ZBTB3: variants seen among roughly 807,000 people sequenced by gnomAD.
The protein encoded by ZBTB3 is zinc finger and BTB domain containing 3.
A neutral mutation model predicts 30.6 loss-of-function variants in ZBTB3; 15 were observed. The observed-to-expected ratio is 0.49, with a 90% CI of 0.33 to 0.75. The LOEUF (loss-of-function observed/expected upper bound fraction) is 0.75. Among genes scored for constraint, ZBTB3 ranks in the 30% least tolerant of loss-of-function variants. The probability of loss-of-function intolerance (pLI) is 0.02; values close to 1 mark genes in which losing one functional copy is unlikely to be tolerated. For missense variants in ZBTB3, 599 were observed against 652.1 expected, an observed-to-expected ratio of 0.92 and a Z score of 0.89; for synonymous variants, 258 against 261.7, an observed-to-expected ratio of 0.99 and a Z score of 0.14.
rs576165674 is a variant in ZBTB3 at position 62,752,315 on chromosome 11, A to G, written c.1350T>C (p.Tyr450=). 9.3e-6 allele frequency: 15 copies of G among 1,614,168 alleles called. No individual in the cohort carries two copies. The East Asian group carries it at 3.1e-4, about 34-fold the overall frequency. ...HATVHTRERP[Y]ECRYCLRSYT... ...AGCTCCGCAGGCAGTAGCGGCACTC[A>G]TAGGGTCGCTCACGTGTGTGCACCG... The change falls in exon 2 of 2, where the codon TAT becomes TAC. Residue 450 remains tyrosine (Y), a synonymous_variant. Transcript: ENST00000394807.
In ZBTB3 at chr11:62,753,446, G is replaced by A. The variant is rs779405682; in HGVS notation, c.219C>T (p.Ala73=). 15 of 1,614,202 alleles carry A rather than the reference G, an allele frequency of 9.3e-6. No individual in the cohort carries two copies. The South Asian group carries it at 1.6e-4, about 18-fold the overall frequency. ...LVCIHNEIVT[A]PAFGLLLDFM... Reference sequence around the variant, plus strand: ...AGTCCAGAAGCAGCCCAAAGGCTGGGGCTGTGACAATTTCATTGTGAATAC... The same window carrying A: ...AGTCCAGAAGCAGCCCAAAGGCTGGAGCTGTGACAATTTCATTGTGAATAC... Residue 73 remains alanine (A), a synonymous_variant, in exon 2 of 2, where the codon GCC becomes GCT. Coordinates refer to ENST00000394807, the MANE Select transcript of ZBTB3 (RefSeq NM_001370809.1).
chr11:62,753,407 G>C lies in ZBTB3; in HGVS notation c.258C>G (p.Gly86=). ...GGGTATCCCCTCTCAGGGTCAGCTG[G>C]CCAGCATACATAAAGTCCAGAAGCA... ...FGLLLDFMYA[G]QLTLRGDTPV... The change falls in exon 2 of 2, where the codon GGC becomes GGG. Residue 86 remains glycine (G), a synonymous_variant. Transcript: ENST00000394807. 3.1e-6 allele frequency: 5 copies of C among 1,614,118 alleles called. No individual in the cohort carries two copies. The highest frequency in any genetic ancestry group is 4.2e-6 in the Non-Finnish European group (5 of 1,180,028).
In ZBTB3 at chr11:62,752,574, A is replaced by G. The variant is rs1590923299; in HGVS notation, c.1091T>C (p.Phe364Ser). 1 of 1,614,136 alleles carries G rather than the reference A, an allele frequency of 6.2e-7. No homozygotes were observed. The highest frequency in any genetic ancestry group is 8.5e-7 in the Non-Finnish European group (1 of 1,180,042). The part of the protein sequence containing the change: ...GLEEVGPSDH[F>S]LPTDPHLPYH... ...GGGTAGATGAGGGTCTGTTGGCAGG[A>G]AGTGGTCACTTGGCCCCACCTCCTC... Residue 364 changes from phenylalanine (F) to serine (S), a missense_variant, in exon 2 of 2, where the codon TTC becomes TCC. Phe to Ser is a radical substitution (Grantham distance 155). Coordinates refer to ENST00000394807, the MANE Select transcript of ZBTB3 (RefSeq NM_001370809.1).
chr11:62,751,967 A>C lies in ZBTB3; in HGVS notation c.*123T>G. On this transcript the variant is annotated 3_prime_UTR_variant, in exon 2 of 2. Coordinates refer to ENST00000394807, the MANE Select transcript of ZBTB3 (RefSeq NM_001370809.1). Reference sequence around the variant, plus strand: ...TAAAAGATTAAAAAAAAAAAAGGGTAGGAACTTTCAGCCTGGGCAGAGCCT... The same window carrying C: ...TAAAAGATTAAAAAAAAAAAAGGGTCGGAACTTTCAGCCTGGGCAGAGCCT... 1.1e-5 allele frequency: 10 copies of C among 881,944 alleles called. No homozygotes were observed. The highest frequency in any genetic ancestry group is 1.7e-5 in the Non-Finnish European group (10 of 604,510). The allele number at this position is 881,944 out of a possible 1,614,324, so 54.6% of individuals were successfully genotyped here. A position where few individuals can be genotyped will look rare whatever the true frequency, so the allele number is the denominator to read the frequency against.
At chr11:62,753,818 C>T in intron 1 of ZBTB3, 103 bp from the exon 2 acceptor site, 2 of 1,522,234 alleles carry the variant, frequency 1.3e-6, no homozygotes, top group Admixed American at 2.0e-5. Flanking sequence ...AAGTTACTGC[C>T]CTTCTTTCTC....
At chr11:62,753,845 G>A (rs1290758096) in intron 1 of ZBTB3, 119 bp downstream of exon 1, 24 of 1,540,168 alleles carry the variant, frequency 1.6e-5, no homozygotes, top group Non-Finnish European at 2.1e-5. Flanking sequence ...CACACCCAAA[G>A]CTCTCCCATT....
chr11:62,752,284 G>T lies in ZBTB3; in HGVS notation c.1381C>A (p.Gln461Lys), dbSNP rs1292569492. ...ECRYCLRSYT[Q>K]SGDLYRHIRK... is the part of the protein sequence containing the mutation. Reference sequence around the variant, plus strand: ...ATGTGGCGGTAGAGGTCCCCTGACTGCGTGTAGCTCCGCAGGCAGTAGCGG... The same window carrying T: ...ATGTGGCGGTAGAGGTCCCCTGACTTCGTGTAGCTCCGCAGGCAGTAGCGG... Residue 461 changes from glutamine to lysine, a missense_variant, in exon 2 of 2, where the codon CAG becomes AAG. Coordinates refer to ENST00000394807, the MANE Select transcript of ZBTB3 (RefSeq NM_001370809.1). The T allele has an allele frequency of 6.2e-7, 1 of 1,614,050 alleles. No homozygotes were observed. The highest frequency in any genetic ancestry group is 1.3e-5 in the African/African-American group (1 of 74,924).
Position 62,752,663 on chromosome 11 carries a change from T to C in ZBTB3, c.1002A>G (p.Gly334=). The change falls in exon 2 of 2, where the codon GGA becomes GGG. Residue 334 remains glycine, a synonymous_variant. Coordinates refer to ENST00000394807, the MANE Select transcript of ZBTB3 (RefSeq NM_001370809.1). The part of the protein sequence containing the change: ...QGPERAFPSG[G]AVYGAQPSQP... Reference sequence around the variant, plus strand: ...GGGAGGGCTGTGCCCCATACACTGCTCCTCCAGATGGGAAAGCTCTCTCAG... The same window carrying C: ...GGGAGGGCTGTGCCCCATACACTGCCCCTCCAGATGGGAAAGCTCTCTCAG... The C allele has an allele frequency of 6.2e-7, 1 of 1,614,176 alleles. No homozygotes were observed. The highest frequency in any genetic ancestry group is 2.2e-5 in the East Asian group (1 of 44,884).
rs773099219 is a variant in ZBTB3, at chr11:62,752,218, G to A, written c.1447C>T (p.Pro483Ser). 6.2e-7 allele frequency: 1 copy of A among 1,614,210 alleles called. No homozygotes were observed. Among genetic ancestry groups the A allele is most frequent in the African/African-American group, 1.3e-5 (1 of 75,058 alleles). The change falls in exon 2 of 2, where the codon CCA becomes TCA. Residue 483 changes from proline to serine, a missense_variant. Coordinates refer to ENST00000394807, the MANE Select transcript of ZBTB3 (RefSeq NM_001370809.1). ...AGAAGGGGTCCCACTTCTGGATCTGGTTTGCTGCGTTTGGCCAGGTCCTCA... is the reference window on the plus strand; with the variant it reads ...AGAAGGGGTCCCACTTCTGGATCTGATTTGCTGCGTTTGGCCAGGTCCTCA... ...HNEDLAKRSKPDPEVGPLLGV... is the reference protein window; with the variant it reads ...HNEDLAKRSKSDPEVGPLLGV...
At position 62,751,525 on chromosome 11, in the gene ZBTB3, C is replaced by CAA. The variant is rs36089406; in HGVS notation, c.*563_*564dup. On this transcript the variant is annotated 3_prime_UTR_variant, in exon 2 of 2. Transcript: ENST00000394807. ...TGGGGGACAGAGTGAGACTCTGTCT[C>CAA]AAAAAAAAAAAAAAAAAAAGGAATC... 2,641 of 49,972 alleles carry CAA rather than the reference C, an allele frequency of 0.053. 150 individuals are homozygous for CAA. The highest frequency in any genetic ancestry group is 0.17 in the African/African-American group (2,449 of 14,066). 3.1% of individuals were successfully genotyped at this position (49,972 alleles called of 1,614,324 possible).
Position 62,752,593 on chromosome 11 carries a change from C to T in ZBTB3, c.1072G>A (p.Val358Met). Residue 358 changes from valine to methionine, a missense_variant, in exon 2 of 2, where the codon GTG (valine) becomes ATG (methionine). Val to Met is a conservative substitution (Grantham distance 21). Transcript: ENST00000394807. Reference sequence around the variant, plus strand: ...GGCAGGAAGTGGTCACTTGGCCCCACCTCCTCCAGTCCTGCTGCCCCTGGG... The same window carrying T: ...GGCAGGAAGTGGTCACTTGGCCCCATCTCCTCCAGTCCTGCTGCCCCTGGG... Reference protein sequence around the residue: ...EDPGAAGLEEVGPSDHFLPTD... With the variant: ...EDPGAAGLEEMGPSDHFLPTD... 1.2e-6 allele frequency: 2 copies of T among 1,614,198 alleles called. No individual in the cohort carries two copies. The highest frequency in any genetic ancestry group is 1.7e-6 in the Non-Finnish European group (2 of 1,180,042).
Position 62,753,152 on chromosome 11 carries a change from C to G in ZBTB3, c.513G>C (p.Trp171Cys), listed in dbSNP as rs749111137. Residue 171 changes from tryptophan (W) to cysteine (C), a missense_variant, in exon 2 of 2, where the codon TGG becomes TGC. By Grantham distance (215) the Trp-to-Cys change is radical. Coordinates refer to ENST00000394807, the MANE Select transcript of ZBTB3 (RefSeq NM_001370809.1). ...TAGGTGAGGGAGCAGCAGAGCCTTT[C>G]CATTCCCCTTTGCCCCAGTGGCCTG... ...ETSGHWGKGEWKGSAAPSPTV... is the reference protein window; with the variant it reads ...ETSGHWGKGECKGSAAPSPTV... 1 of 1,614,188 alleles carries G rather than the reference C, an allele frequency of 6.2e-7. No homozygotes were observed. The highest frequency in any genetic ancestry group is 1.1e-5 in the South Asian group (1 of 91,086).
In ZBTB3 at chr11:62,753,160, C is replaced by T; in HGVS notation, c.505G>A (p.Gly169Arg). ...GGAGCAGCAGAGCCTTTCCATTCCC[C>T]TTTGCCCCAGTGGCCTGATGTCTCA... ...SAETSGHWGK[G>R]EWKGSAAPSP... is the part of the protein sequence containing the mutation. The change falls in exon 2 of 2, where the codon GGG (glycine) becomes AGG (arginine). Residue 169 changes from glycine to arginine, a missense_variant. Gly to Arg is a moderately radical substitution (Grantham distance 125, BLOSUM62 -2). Transcript: ENST00000394807. The T allele has an allele frequency of 1.2e-6, 2 of 1,614,182 alleles. No individual in the cohort carries two copies. Among genetic ancestry groups the T allele is most frequent in the South Asian group, 1.1e-5 (1 of 91,082 alleles).
Position 62,753,956 on chromosome 11 carries a change from A to C in ZBTB3, c.-52+8T>G, listed in dbSNP as rs1237248442. 1 of 1,610,870 alleles carries C rather than the reference A, an allele frequency of 6.2e-7. No homozygotes were observed. Reference sequence around the variant, plus strand: ...CCCTTAGCCACCCTCCGCTTCCTTGATGCCCACCCGGTAGCGTCCAACGGC... The same window carrying C: ...CCCTTAGCCACCCTCCGCTTCCTTGCTGCCCACCCGGTAGCGTCCAACGGC... On this transcript the variant is annotated splice_region_variant and intron_variant, in intron 1 of 1. Transcript: ENST00000394807.
In ZBTB3 at chr11:62,752,715, T is replaced by C. The variant is rs149022144; in HGVS notation, c.950A>G (p.Asp317Gly). The change falls in exon 2 of 2, where the codon GAT (aspartate) becomes GGT (glycine). Residue 317 changes from aspartate (D) to glycine (G), a missense_variant. By Grantham distance (94) the Asp-to-Gly change is moderately conservative. Transcript: ENST00000394807. ...ACCCTGAGGCTGTTCATCTGACACATCAGTCTCTTCATCAGAGATCACAAT... is the reference window on the plus strand; with the variant it reads ...ACCCTGAGGCTGTTCATCTGACACACCAGTCTCTTCATCAGAGATCACAAT... ...EAIVISDEET[D>G]VSDEQPQGPE... is the part of the protein sequence containing the mutation. 6.2e-5 allele frequency: 100 copies of C among 1,614,054 alleles called. 1 individual carries two copies. Among genetic ancestry groups the C allele is most frequent in the Admixed American group, 2.3e-4 (14 of 60,004 alleles).
In ZBTB3 at chr11:62,752,454, G is replaced by T; in HGVS notation, c.1211C>A (p.Ser404Tyr). ...TCCTGGAGCTGCTTCGTACTCAGAA[G>T]ACAGGTAAAGTGGCTCATGCAGGGA... ...PASLHEPLYL[S>Y]SEYEAAPGSF... is the part of the protein sequence containing the mutation. Residue 404 changes from serine (S) to tyrosine (Y), a missense_variant, in exon 2 of 2, where the codon TCT (serine) becomes TAT (tyrosine). Ser to Tyr is a moderately radical substitution (Grantham distance 144). Transcript: ENST00000394807. 1 of 1,614,166 alleles carries T rather than the reference G, an allele frequency of 6.2e-7. No individual in the cohort carries two copies. The highest frequency in any genetic ancestry group is 8.5e-7 in the Non-Finnish European group (1 of 1,180,034).
chr11:62,751,582 G>GCTGAAATT lies in ZBTB3; in HGVS notation c.*500_*507dup, dbSNP rs1186142363. ...ACCTGGGAGGCAGAGGTTGCAGTGA[G>GCTGAAATT]CTGAAATTGCGCCACTGCACTCCAG... On this transcript the variant is annotated 3_prime_UTR_variant, in exon 2 of 2. Coordinates refer to ENST00000394807, the MANE Select transcript of ZBTB3 (RefSeq NM_001370809.1). The GCTGAAATT allele has an allele frequency of 6.8e-6, 1 of 147,534 alleles. No individual in the cohort carries two copies. The highest frequency in any genetic ancestry group is 1.5e-5 in the Non-Finnish European group (1 of 67,150). 9.1% of individuals were successfully genotyped at this position (147,534 alleles called of 1,614,324 possible).
In ZBTB3 at chr11:62,752,323, G is replaced by A. The variant is rs1378965028; in HGVS notation, c.1342C>T (p.Arg448Ter). The change falls in exon 2 of 2, where the codon CGA becomes TGA. Residue 448 changes from arginine (R) to a stop codon, truncating the protein, a stop_gained. Transcript: ENST00000394807. LOFTEE classifies it high-confidence loss of function. ...RRHATVHTRE[R>*]PYECRYCLRS... ...AGGCAGTAGCGGCACTCATAGGGTC[G>A]CTCACGTGTGTGCACCGTGGCATGT... is the stretch of plus-strand genomic sequence containing the variant. 2 of 1,614,140 alleles carry A rather than the reference G, an allele frequency of 1.2e-6. No individual in the cohort carries two copies. The highest frequency in any genetic ancestry group is 1.7e-6 in the Non-Finnish European group (2 of 1,180,040).
chr11:62,751,806 G>T lies in ZBTB3; in HGVS notation c.*284C>A, dbSNP rs2084014428. ...AAAAATTAGCCAGGCATGGTGATAGGCGCCTGTAGTCCCAGCTACTCGGGA... is the reference window on the plus strand; with the variant it reads ...AAAAATTAGCCAGGCATGGTGATAGTCGCCTGTAGTCCCAGCTACTCGGGA... On this transcript the variant is annotated 3_prime_UTR_variant, in exon 2 of 2. Coordinates refer to ENST00000394807, the MANE Select transcript of ZBTB3 (RefSeq NM_001370809.1). 1 of 230,006 alleles carries T rather than the reference G, an allele frequency of 4.3e-6. No individual in the cohort carries two copies. The highest frequency in any genetic ancestry group is 8.5e-6 in the Non-Finnish European group (1 of 118,172). The allele number at this position is 230,006 out of a possible 1,614,324, so 14.2% of individuals were successfully genotyped here.
Sources: allele counts gnomAD v4.1 joint callset, GRCh38; gene constraint gnomAD v4.1.1; transcripts MANE v1.5; gene names NCBI Gene and HGNC (gene_info 2026-07-23, HGNC 2026-07-21).